MAPK12: variants seen among roughly 807,000 people sequenced by gnomAD.
MAPK12 encodes mitogen-activated protein kinase 12.
A neutral mutation model predicts 49.1 loss-of-function variants in MAPK12; 49 were observed. That is an observed-to-expected ratio of 1.00 (90% confidence interval 0.79 to 1.27). The LOEUF is 1.27. MAPK12 is among the 50% of genes most tolerant of loss of function. The pLI, the probability that MAPK12 is intolerant of heterozygous loss-of-function variation, is 0.00. For synonymous variants in MAPK12, 251 were observed against 209.7 expected (o/e 1.20, Z -1.70); for missense variants, 554 against 502.4 (o/e 1.10, Z -0.98).
At chr22:50,256,468 C>A in intron 6 of MAPK12, 131 bp downstream of exon 6, 1 of 1,230,198 alleles carries the variant, frequency 8.1e-7, no homozygotes, top group Non-Finnish European at 1.1e-6. Flanking sequence ...GCTCACCCAC[C>A]CACCAGCTCC....
At position 50,258,307 on chromosome 22, in the gene MAPK12, G is replaced by A. The variant is rs376842800; in HGVS notation, c.256-6C>T. 358 of 1,612,698 alleles carry A rather than the reference G, an allele frequency of 2.2e-4. No individual in the cohort carries two copies. The highest frequency in any genetic ancestry group is 1.3e-3 in the Admixed American group (81 of 60,010). On this transcript the variant is annotated splice_polypyrimidine_tract_variant and splice_region_variant and intron_variant, in intron 2 of 11. Coordinates refer to ENST00000215659, the MANE Select transcript of MAPK12 (RefSeq NM_002969.6). ...ACGTCCAGCAGCCCGATCACCTGGG[G>A]GGGCCACATAGGGTTGAGAATGCAG...
At chr22:50,254,800 A>C in intron 11 of MAPK12, 1 of 1,151,536 alleles carries the variant, frequency 8.7e-7, no homozygotes, top group Non-Finnish European at 1.1e-6. Flanking sequence ...TCTGGGGGCC[A>C]GGAGGGGCTA....
chr22:50,257,622 G>A (rs2065163660), intron 3 of MAPK12: 13 of 569,838 alleles, frequency 2.3e-5, no homozygotes, highest in East Asian at 1.5e-4. Context: ...GCCTGGGGGC[G>A]ATGGGGGCGC....
Position 50,253,122 on chromosome 22 carries a change from G to T in MAPK12, c.*279C>A, listed in dbSNP as rs750232984. The T allele has an allele frequency of 2.1e-6, 1 of 485,794 alleles. No individual in the cohort carries two copies. The highest frequency in any genetic ancestry group is 3.8e-6 in the Non-Finnish European group (1 of 263,964). 30.1% of individuals were successfully genotyped at this position (485,794 alleles called of 1,614,324 possible). A position where few individuals can be genotyped will look rare whatever the true frequency, so the allele number is the denominator to read the frequency against. On this transcript the variant is annotated 3_prime_UTR_variant, in exon 12 of 12. Transcript: ENST00000215659. ...GATCTGGAGCCCCACCAGCTCTGAGGTTTCTGAGAGCACCGGGCAAGTGGG... is the reference window on the plus strand; with the variant it reads ...GATCTGGAGCCCCACCAGCTCTGAGTTTTCTGAGAGCACCGGGCAAGTGGG...
intron 8 of MAPK12, 29 bp downstream of exon 8, chr22:50,255,781 C>A: frequency 6.2e-7 from 1 of 1,612,200 alleles, no homozygotes; most frequent in South Asian, 1.1e-5. Context: ...CCCACCCGCC[C>A]CTGGTGCCGC....
rs1465462303 is a variant in MAPK12 at position 50,253,434 on chromosome 22, C to A, written c.1071G>T (p.Leu357=). 4.9e-6 allele frequency: 7 copies of A among 1,430,406 alleles called. No individual in the cohort carries two copies. The Admixed American group carries it at 1.6e-4, about 32-fold the overall frequency. 88.6% of individuals were successfully genotyped at this position (1,430,406 alleles called of 1,614,324 possible). A position where few individuals can be genotyped will look rare whatever the true frequency, so the allele number is the denominator to read the frequency against. ...GCGTCTCCTTGGAGACCCTGGCCCC[C>A]AGCTGCCGGGGAGGCTTGAAGCTGA... ...EVLSFKPPRQ[L]GARVSKETPL The change falls in exon 12 of 12, where the codon CTG becomes CTT. Residue 357 remains leucine, a synonymous_variant. Transcript: ENST00000215659.
chr22:50,261,418 TG>T lies in MAPK12; in HGVS notation c.91del (p.Gln31SerfsTer56). The T allele has an allele frequency of 8.0e-7, 1 of 1,246,308 alleles. No homozygotes were observed. The highest frequency in any genetic ancestry group is 1.0e-6 in the Non-Finnish European group (1 of 972,714). 77.2% of individuals were successfully genotyped at this position (1,246,308 alleles called of 1,614,324 possible). A position where few individuals can be genotyped will look rare whatever the true frequency, so the allele number is the denominator to read the frequency against. On this transcript the variant is annotated frameshift_variant, in exon 1 of 12. Coordinates refer to ENST00000215659, the MANE Select transcript of MAPK12 (RefSeq NM_002969.6). LOFTEE classifies it high-confidence loss of function. ...GCCGTAGGCGCCCGAGCCCACGGGC[TG>T]CAGGTCCCGGTACACGGCGCGCACC... ...WEVRAVYRDL[Q>X]PVGSGAYGAV...
chr22:50,260,226 ACGGGG>A (rs2065196780), intron 2 of MAPK12, among the ~76,000 whole-genome samples: 2 of 17,034 alleles, frequency 1.2e-4, no homozygotes, highest in East Asian at 1.2e-3. Context: ...GAACCGGGGG[ACGGGG>A]CACTTTGCTG....
intron 2 of MAPK12, 159 bp downstream of exon 2, chr22:50,261,008 C>T: frequency 1.2e-6 from 1 of 806,138 alleles, no homozygotes; most frequent in Non-Finnish European, 1.8e-6. Flanking sequence ...CAAGGAGAGA[C>T]AGGCCTTGCT....
rs138533200 is a variant in MAPK12, at chr22:50,261,196, G to A, written c.226C>T (p.Arg76Cys). The change falls in exon 2 of 12, where the codon CGC (arginine) becomes TGC (cysteine). Residue 76 changes from arginine to cysteine, a missense_variant. Coordinates refer to ENST00000215659, the MANE Select transcript of MAPK12 (RefSeq NM_002969.6). Reference protein sequence around the residue: ...LFAKRAYRELRLLKHMRHENV... With the variant: ...LFAKRAYRELCLLKHMRHENV... ...TCGTGGCGCATGTGCTTGAGCAGGC[G>A]CAGCTCGCGGTAGGCGCGCTTGGCG... is the stretch of plus-strand genomic sequence containing the variant. 8.9e-4 allele frequency: 1,421 copies of A among 1,592,026 alleles called. 7 individuals carry two copies. The Middle Eastern group carries it at 0.025, about 28-fold the overall frequency.
At chr22:50,256,250 C>CA (rs773889881) in intron 6 of MAPK12, 51 bp from the exon 7 acceptor site, 1 of 1,419,768 alleles carries the variant, frequency 7.0e-7, no homozygotes, top group Non-Finnish European at 9.9e-7. Flanking sequence ...AAGGAGCGGA[C>CA]AGGCCACCCA....
chr22:50,253,257 G>GA lies in MAPK12; in HGVS notation c.*143dup. The GA allele has an allele frequency of 1.4e-6, 1 of 715,172 alleles. No homozygotes were observed. Among genetic ancestry groups the GA allele is most frequent in the South Asian group, 1.5e-5 (1 of 66,428 alleles). 44.3% of individuals were successfully genotyped at this position (715,172 alleles called of 1,614,324 possible). On this transcript the variant is annotated 3_prime_UTR_variant, in exon 12 of 12. Transcript: ENST00000215659. ...CCAAGAGCAGAGGCATGGCCGTGGG[G>GA]AGGAGGGTCCATGGAACCCGGGCGT...
rs1015578731 is a variant in MAPK12 at position 50,253,668 on chromosome 22, A to C, written c.1025-188T>G. The stretch of plus-strand genomic sequence containing the variant: ...CTCTAGATCTGGATTTTCCAGGGAA[A>C]GGGGAGGTGGCCAGGGCTTGGCCAC... On this transcript the variant is annotated intron_variant, in intron 11 of 11. Transcript: ENST00000215659. 2.0e-5 allele frequency: 12 copies of C among 595,486 alleles called. No individual in the cohort carries two copies. The African/African-American group carries it at 2.0e-4, about 10-fold the overall frequency. The allele number at this position is 595,486 out of a possible 1,614,324, so 36.9% of individuals were successfully genotyped here.
In MAPK12 at chr22:50,255,321, C is replaced by A. The variant is rs1322900795; in HGVS notation, c.900G>T (p.Val300=). The change falls in exon 11 of 12, where the codon GTG becomes GTT. Residue 300 remains valine, a synonymous_variant. Transcript: ENST00000215659. The part of the protein sequence containing the change: ...KMLVLDAEQR[V]TAGEALAHPY... ...GATGGGCCAGCGCCTCGCCTGCCGT[C>A]ACCCGCTGCTCCGCGTCCAGCACCA... 1 of 1,613,446 alleles carries A rather than the reference C, an allele frequency of 6.2e-7. No individual in the cohort carries two copies. The highest frequency in any genetic ancestry group is 2.2e-5 in the East Asian group (1 of 44,896).
rs956837917 is a variant in MAPK12 at position 50,256,881 on chromosome 22, C to T, written c.456+54G>A. 40 of 1,586,798 alleles carry T rather than the reference C, an allele frequency of 2.5e-5. 1 individual carries two copies. The highest frequency in any genetic ancestry group is 5.2e-5 in the Admixed American group (3 of 57,190). Reference sequence around the variant, plus strand: ...CATCCTCACAGGTGGGACGTGGAGGCGGGGGGATTGCACTGGGGGAGGGCT... The same window carrying T: ...CATCCTCACAGGTGGGACGTGGAGGTGGGGGGATTGCACTGGGGGAGGGCT... On this transcript the variant is annotated intron_variant, in intron 5 of 11. Transcript: ENST00000215659.
chr22:50,253,502 G>GGGGCCCCCCCCCCCCCC, intron 11 of MAPK12, 22 bp from the exon 12 acceptor site: 2 of 171,666 alleles, frequency 1.2e-5, no homozygotes, highest in Non-Finnish European at 1.1e-5. Context: ...GGGGGGGCGG[G>GGGGCCCCCCCCCCCCCC]CACAACAGAG....
chr22:50,257,313 C>A, intron 3 of MAPK12, 120 bp from the exon 4 acceptor site: 1 of 716,312 alleles, frequency 1.4e-6, no homozygotes, highest in South Asian at 1.5e-5. Context: ...AGGAAGGTCA[C>A]CCCTGCAGCA....
At chr22:50,257,793 T>G in intron 3 of MAPK12, 1 of 711,128 alleles carries the variant, frequency 1.4e-6, no homozygotes, top group Non-Finnish European at 2.6e-6. Flanking sequence ...CCCTTCACTC[T>G]TGGCCGACAG....
chr22:50,258,613 GC>G (rs1453567168), intron 2 of MAPK12, among the ~76,000 whole-genome samples: 1 of 152,230 alleles, frequency 6.6e-6, no homozygotes, highest in Admixed American at 6.5e-5. Context: ...GGCTCCTGCC[GC>G]CTGACCCTTT....
Sources: gnomAD v4.1 joint callset for allele counts (sites outside exome capture counted in the v4.1 genomes callset) on GRCh38, gnomAD v4.1.1 for gene constraint, MANE v1.5 for transcripts, NCBI Gene and HGNC (gene_info 2026-07-23, HGNC 2026-07-21) for gene names.